The following ASB2 variants were observed in gnomAD, a reference collection of about 807,000 sequenced individuals.
ASB2 encodes the protein ankyrin repeat and SOCS box protein 2.
In ASB2, 58 loss-of-function variants were observed where a neutral mutation model predicts 62.4. The observed-to-expected ratio is 0.93, with a 90% CI of 0.75 to 1.16. ASB2 has a LOEUF of 1.16. ASB2 is among the 50% of genes most tolerant of loss of function. ASB2 has a pLI of 0.00. For missense variants in ASB2, 928 were observed against 887.9 expected, an observed-to-expected ratio of 1.05 and a Z score of -0.57; for synonymous variants, 386 against 385.3, an observed-to-expected ratio of 1.00 and a Z score of -0.02.
At position 93,939,641 on chromosome 14, in the gene ASB2, G is replaced by A. The variant is rs1203361632; in HGVS notation, c.1084C>T (p.Arg362Cys). ...IVQMLLPVTS[R>C]TRIRRSGVSP... ...ACGCCGCTACGGCGTATGCGCGTGC[G>A]GCTGGTCACCGGCAGCAGCATCTGC... The change falls in exon 8 of 10, where the codon CGC (arginine) becomes TGC (cysteine). Residue 362 changes from arginine (R) to cysteine (C), a missense_variant. Physicochemically the swap from Arg to Cys is radical, Grantham distance 180 (BLOSUM62 -3). Coordinates refer to ENST00000555019, the MANE Select transcript of ASB2 (RefSeq NM_001202429.2). 3 of 1,518,058 alleles carry A rather than the reference G, an allele frequency of 2.0e-6. No individual in the cohort carries two copies. Among genetic ancestry groups the A allele is most frequent in the South Asian group, 1.2e-5 (1 of 81,146 alleles). The allele number at this position is 1,518,058 out of a possible 1,614,324, so 94.0% of individuals were successfully genotyped here.
At position 93,951,213 on chromosome 14, in the gene ASB2, C is replaced by A. The variant is rs1282861358; in HGVS notation, c.666G>T (p.Lys222Asn). The A allele has an allele frequency of 1.9e-6, 3 of 1,608,680 alleles. No individual in the cohort carries two copies. The highest frequency in any genetic ancestry group is 2.5e-6 in the Non-Finnish European group (3 of 1,177,456). The change falls in exon 6 of 10, where the codon AAG (lysine) becomes AAT (asparagine). Residue 222 changes from lysine to asparagine, a missense_variant. Physicochemically the swap from Lys to Asn is moderately conservative, Grantham distance 94. Transcript: ENST00000555019. Reference protein sequence around the residue: ...ACERKNAEAVKILVQHNADTN... With the variant: ...ACERKNAEAVNILVQHNADTN... ...TGTCTGCATTGTGCTGCACCAGAAT[C>A]TTCACGGCCTCCGCGTTCTTGCGCT...
intron 1 of ASB2, among the ~76,000 whole-genome samples, chr14:93,974,366 G>A (rs1889848524): frequency 6.6e-6 from 1 of 152,150 alleles, no homozygotes; most frequent in Non-Finnish European, 1.5e-5. Flanking sequence ...CCAAACAATG[G>A]TGCTAAGGAA....
Position 93,956,806 on chromosome 14 carries a change from G to T in ASB2, c.271C>A (p.Gln91Lys), listed in dbSNP as rs1319750163. The T allele has an allele frequency of 1.2e-6, 2 of 1,614,104 alleles. No individual in the cohort carries two copies. Among genetic ancestry groups the T allele is most frequent in the Non-Finnish European group, 1.7e-6 (2 of 1,180,040 alleles). The change falls in exon 3 of 10, where the codon CAG (glutamine) becomes AAG (lysine). Residue 91 changes from glutamine to lysine, a missense_variant. Physicochemically the swap from Gln to Lys is moderately conservative, Grantham distance 53 (BLOSUM62 1). Coordinates refer to ENST00000555019, the MANE Select transcript of ASB2 (RefSeq NM_001202429.2). ...TTGAACAAGCTGCTGCTGTATTTCT[G>T]CATGACCCCTTGGAACAAGCCCATT... is the stretch of plus-strand genomic sequence containing the variant. ...APMGLFQGVM[Q>K]KYSSSLFKTS...
In ASB2 at chr14:93,976,509, A is replaced by G. The variant is rs955380139; in HGVS notation, c.-149T>C. 8.5e-5 allele frequency: 13 copies of G among 152,216 alleles called. No homozygotes were observed. The highest frequency in any genetic ancestry group is 2.9e-4 in the African/African-American group (12 of 41,454). 9.4% of individuals were successfully genotyped at this position (152,216 alleles called of 1,614,324 possible). A position where few individuals can be genotyped will look rare whatever the true frequency, so the allele number is the denominator to read the frequency against. On this transcript the variant is annotated 5_prime_UTR_variant, in exon 1 of 10. The change abolishes an upstream ATG in the 5' untranslated region. Coordinates refer to ENST00000555019, the MANE Select transcript of ASB2 (RefSeq NM_001202429.2). ...TCTTGAAAGTGTCTTAATTCAGAACATGCTCCCCGAGTTTTCCTTCTGCCC... is the reference window on the plus strand; with the variant it reads ...TCTTGAAAGTGTCTTAATTCAGAACGTGCTCCCCGAGTTTTCCTTCTGCCC...
intron 7 of ASB2, 76 bp from the exon 8 acceptor site, chr14:93,939,748 A>T: frequency 1.7e-6 from 2 of 1,209,564 alleles, no homozygotes; most frequent in Non-Finnish European, 2.1e-6. Context: ...CGCCAGCAGG[A>T]GAGCTCGGGC....
At chr14:93,965,341 T>C (rs1567031868) in intron 1 of ASB2, among the ~76,000 whole-genome samples, 5 of 152,338 alleles carry the variant, frequency 3.3e-5, no homozygotes, top group Admixed American at 1.3e-4. Context: ...TGCATACCAG[T>C]TACCAAGAGC....
chr14:93,945,564 A>G (rs1013777459), intron 7 of ASB2, among the ~76,000 whole-genome samples: 2 of 152,352 alleles, frequency 1.3e-5, no homozygotes, highest in Middle Eastern at 6.8e-3. Flanking sequence ...ATAAATGAGG[A>G]AAATGAGGCT....
intron 6 of ASB2, 123 bp downstream of exon 6, chr14:93,950,876 C>T: frequency 8.9e-7 from 1 of 1,128,922 alleles, no homozygotes; most frequent in South Asian, 1.5e-5. Flanking sequence ...TAGGAGGAAA[C>T]TCTCACTCCA....
chr14:93,963,009 C>T (rs944349415), intron 2 of ASB2, among the ~76,000 whole-genome samples: 13 of 149,876 alleles, frequency 8.7e-5, no homozygotes, highest in African/African-American at 2.4e-4. Context: ...GTACTCTTTC[C>T]GGCTGCCCAA....
In ASB2 at chr14:93,953,835, C is replaced by T. The variant is rs148119546; in HGVS notation, c.479-328G>A. Among the ~76,000 whole-genome samples the T allele has an allele frequency of 2.9e-4, 44 of 152,260 alleles. 1 individual carries two copies. The East Asian group carries it at 7.2e-3, about 25-fold the overall frequency. On this transcript the variant is annotated intron_variant, in intron 4 of 9. Coordinates refer to ENST00000555019, the MANE Select transcript of ASB2 (RefSeq NM_001202429.2). ...CATGGTTTCTTGGAGTGTCGGGGGCCGTGTGGGGTCTGTGCTGCTTCAGGG... is the reference window on the plus strand; with the variant it reads ...CATGGTTTCTTGGAGTGTCGGGGGCTGTGTGGGGTCTGTGCTGCTTCAGGG...
intron 7 of ASB2, 107 bp from the exon 8 acceptor site, chr14:93,939,779 C>T: frequency 1.1e-6 from 1 of 936,212 alleles, no homozygotes; most frequent in Non-Finnish European, 1.5e-6. Flanking sequence ...GCTGGTCGCC[C>T]TGACCGCGGG....
Position 93,938,233 on chromosome 14 carries a change from C to CTTTTTTTTTTT in ASB2, c.1618-393_1618-383dup, listed in dbSNP as rs35127276. Among the ~76,000 whole-genome samples the CTTTTTTTTTTT allele has an allele frequency of 8.3e-4, 56 of 67,620 alleles. 3 individuals are homozygous for CTTTTTTTTTTT. Among genetic ancestry groups the CTTTTTTTTTTT allele is most frequent in the East Asian group, 4.6e-3 (8 of 1,736 alleles). 44.4% of individuals were successfully genotyped at this position (67,620 alleles called of 152,430 possible). The stretch of plus-strand genomic sequence containing the variant: ...TGTCTAACTTCCTTTTAAGTTCTGA[C>CTTTTTTTTTTT]TTTTTTTTTTTTTTTTTTTTTTTTT... On this transcript the variant is annotated intron_variant, in intron 8 of 9. Coordinates refer to ENST00000555019, the MANE Select transcript of ASB2 (RefSeq NM_001202429.2).
At chr14:93,943,140 A>C (rs942667725) in intron 7 of ASB2, among the ~76,000 whole-genome samples, 1 of 152,234 alleles carries the variant, frequency 6.6e-6, no homozygotes, top group African/African-American at 2.4e-5. Flanking sequence ...TACAAAGCAC[A>C]ATGTAATGAT....
Position 93,939,667 on chromosome 14 carries a change from A to C in ASB2, c.1058T>G (p.Val353Gly). 6.7e-7 allele frequency: 1 copy of C among 1,493,162 alleles called. No homozygotes were observed. Among genetic ancestry groups the C allele is most frequent in the Non-Finnish European group, 8.9e-7 (1 of 1,128,644 alleles). 92.5% of individuals were successfully genotyped at this position (1,493,162 alleles called of 1,614,324 possible). A position where few individuals can be genotyped will look rare whatever the true frequency, so the allele number is the denominator to read the frequency against. ...GCTGGTCACCGGCAGCAGCATCTGC[A>C]CGATCCTGCCGGGTCGAGGGGCGGG... Reference protein sequence around the residue: ...IASKKGNYRIVQMLLPVTSRT... With the variant: ...IASKKGNYRIGQMLLPVTSRT... The change falls in exon 8 of 10, where the codon GTG becomes GGG. Residue 353 changes from valine to glycine, a missense_variant. Transcript: ENST00000555019.
intron 7 of ASB2, chr14:93,942,407 T>C (rs2141277470): frequency 3.6e-5 from 15 of 415,594 alleles, no homozygotes; most frequent in South Asian, 2.6e-4. Flanking sequence ...TCAGGGTCAT[T>C]CCAGGAAGAC....
chr14:93,941,410 G>T, intron 7 of ASB2: 1 of 315,928 alleles, frequency 3.2e-6, no homozygotes, highest in Non-Finnish European at 6.2e-6. Flanking sequence ...AGGCTTCCTG[G>T]AAATCTGATG....
chr14:93,940,125 A>C, intron 7 of ASB2: 1 of 159,832 alleles, frequency 6.3e-6, no homozygotes, highest in Non-Finnish European at 1.4e-5. Context: ...AACCCAATGA[A>C]TGTCCAACCT....
Position 93,937,864 on chromosome 14 carries a change from A to G in ASB2, c.1618-13T>C, listed in dbSNP as rs770627637. ...CGAACTCACAGAACTGAAAGAGAACATGCCGGGACCAAGAAGTGAGTTCAT... is the reference window on the plus strand; with the variant it reads ...CGAACTCACAGAACTGAAAGAGAACGTGCCGGGACCAAGAAGTGAGTTCAT... On this transcript the variant is annotated splice_polypyrimidine_tract_variant and intron_variant, in intron 8 of 9. Transcript: ENST00000555019. 1.9e-6 allele frequency: 3 copies of G among 1,585,528 alleles called. No individual in the cohort carries two copies. In the East Asian group the frequency reaches 6.8e-5, roughly 36 times the overall value.
intron 4 of ASB2, among the ~76,000 whole-genome samples, chr14:93,953,949 G>A (rs537542019): frequency 2.6e-5 from 4 of 152,278 alleles, no homozygotes; most frequent in Admixed American, 2.0e-4. Flanking sequence ...GCTGTCCCGC[G>A]GTCCCACAGC....
Sources: gnomAD v4.1 joint callset for allele counts (sites outside exome capture counted in the v4.1 genomes callset) on GRCh38, gnomAD v4.1.1 for gene constraint, MANE v1.5 for transcripts, NCBI Gene and HGNC (gene_info 2026-07-23, HGNC 2026-07-21) for gene names.